Variants in CSMD2 observed in about 807,000 individuals in gnomAD.
CSMD2 encodes CUB and Sushi multiple domains 2.
A neutral mutation model predicts 398.5 loss-of-function variants in CSMD2; 130 were observed. The ratio of observed to expected loss-of-function variants is 0.33; its 90% CI spans 0.28 to 0.38. CSMD2 has a LOEUF of 0.38. CSMD2 is among the 10% of genes least tolerant of loss of function. The pLI is 1.00. For synonymous variants in CSMD2, 1,828 were observed against 1,908.5 expected (o/e 0.96, Z 1.10); for missense variants, 3,829 against 4,764.9 (o/e 0.80, Z 5.78).
At chr1:33,600,720 C>A (rs989430872) in intron 44 of CSMD2, 145 bp downstream of exon 44, 2 of 772,902 alleles carry the variant, frequency 2.6e-6, no homozygotes, top group South Asian at 3.6e-5. Flanking sequence ...ACATTTAATT[C>A]TCATAACTCT....
At chr1:34,028,009 C>G (rs1649900341) in intron 3 of CSMD2, among the ~76,000 whole-genome samples, 1 of 152,110 alleles carries the variant, frequency 6.6e-6, no homozygotes, top group South Asian at 2.1e-4. Context: ...ACTGAAAATG[C>G]AGGATGCTCA....
In CSMD2 at chr1:33,637,128, G is replaced by A. The variant is rs138761078; in HGVS notation, c.4775-574C>T. On this transcript the variant is annotated intron_variant, in intron 29 of 70. Coordinates refer to ENST00000373381, the MANE Select transcript of CSMD2 (RefSeq NM_001281956.2). The stretch of plus-strand genomic sequence containing the variant: ...TGGCTGGGGAGTAGAGCTGGCATCT[G>A]TTCTGCAGGCCCAGTCATACCCATC... 1.1e-3 allele frequency among the ~76,000 whole-genome samples: 163 copies of A among 152,296 alleles called. 1 individual carries two copies. The highest frequency in any genetic ancestry group is 3.7e-3 in the African/African-American group (155 of 41,558).
At chr1:33,989,900 T>C (rs1646491828) in intron 3 of CSMD2, among the ~76,000 whole-genome samples, 1 of 152,206 alleles carries the variant, frequency 6.6e-6, no homozygotes, top group Non-Finnish European at 1.5e-5. Context: ...GAGATGTTTA[T>C]GTCTTGATTG....
chr1:33,970,287 T>A (rs2147914649), intron 3 of CSMD2, among the ~76,000 whole-genome samples: 1 of 152,256 alleles, frequency 6.6e-6, no homozygotes, highest in Admixed American at 6.5e-5. Flanking sequence ...ACCAGACCTC[T>A]AGGCAATAGC....
chr1:33,956,754 TCTAA>T (rs1351924104), intron 3 of CSMD2, among the ~76,000 whole-genome samples: 1 of 151,934 alleles, frequency 6.6e-6, no homozygotes, highest in Non-Finnish European at 1.5e-5. Context: ...TCTCCAAAGG[TCTAA>T]CTGAGCTCCC....
chr1:33,952,713 C>G (rs1204403551), intron 3 of CSMD2, among the ~76,000 whole-genome samples: 1 of 151,774 alleles, frequency 6.6e-6, no homozygotes, highest in South Asian at 2.1e-4. Context: ...TGCACACACA[C>G]AAACATTTAA....
intron 25 of CSMD2, among the ~76,000 whole-genome samples, chr1:33,675,751 TTA>T (rs1347151418): frequency 6.6e-6 from 1 of 152,158 alleles, no homozygotes; most frequent in Non-Finnish European, 1.5e-5. Flanking sequence ...ATCAAAAAGC[TTA>T]TGCACCATGA....
At chr1:33,847,872 A>T (rs1638391291) in intron 5 of CSMD2, among the ~76,000 whole-genome samples, 1 of 152,174 alleles carries the variant, frequency 6.6e-6, no homozygotes, top group African/African-American at 2.4e-5. Flanking sequence ...GAGATAATAC[A>T]CAAAAGAAGA....
At chr1:33,528,596 G>A (rs571218062) in intron 64 of CSMD2, among the ~76,000 whole-genome samples, 3 of 152,194 alleles carry the variant, frequency 2.0e-5, no homozygotes, top group African/African-American at 4.8e-5. Context: ...TCTTATGTGC[G>A]AGGTGCTGTG....
At chr1:33,873,530 C>T (rs555077697) in intron 5 of CSMD2, 2 of 152,254 alleles carry the variant, frequency 1.3e-5, no homozygotes, top group Non-Finnish European at 2.9e-5. Context: ...TACTCTCTGG[C>T]TTGCTCTGAT....
Position 33,636,282 on chromosome 1 carries a change from T to A in CSMD2, c.4969+78A>T. The A allele has an allele frequency of 7.1e-7, 1 of 1,411,620 alleles. No individual in the cohort carries two copies. Among genetic ancestry groups the A allele is most frequent in the South Asian group, 1.4e-5 (1 of 72,630 alleles). 87.4% of individuals were successfully genotyped at this position (1,411,620 alleles called of 1,614,324 possible). A position where few individuals can be genotyped will look rare whatever the true frequency, so the allele number is the denominator to read the frequency against. On this transcript the variant is annotated intron_variant, in intron 30 of 70. Coordinates refer to ENST00000373381, the MANE Select transcript of CSMD2 (RefSeq NM_001281956.2). The surrounding 1 kb of genome is among the most constrained non-coding windows in gnomAD (Gnocchi z 4.8). ...GGCTTGAGGACCTTGCCCCCCTCCCTTCCCCAGCCCACAGCACCCTCTGCC... is the reference window on the plus strand; with the variant it reads ...GGCTTGAGGACCTTGCCCCCCTCCCATCCCCAGCCCACAGCACCCTCTGCC...
chr1:33,693,570 C>T (rs1485054690), intron 24 of CSMD2, among the ~76,000 whole-genome samples: 2 of 152,144 alleles, frequency 1.3e-5, no homozygotes, highest in Non-Finnish European at 2.9e-5. Flanking sequence ...CACCATATGA[C>T]CTAGCAATTC....
At chr1:34,113,364 A>T (rs911667296) in intron 1 of CSMD2, among the ~76,000 whole-genome samples, 1 of 152,222 alleles carries the variant, frequency 6.6e-6, no homozygotes, top group Admixed American at 6.5e-5. Flanking sequence ...TCACAGATGC[A>T]ACATCCTCTC....
At chr1:34,129,120 C>T (rs554101426) in intron 1 of CSMD2, among the ~76,000 whole-genome samples, 1 of 152,094 alleles carries the variant, frequency 6.6e-6, no homozygotes. Context: ...CCATGGGTCC[C>T]GCTGCCACCC....
intron 25 of CSMD2, among the ~76,000 whole-genome samples, chr1:33,663,826 T>C (rs1571139571): frequency 1.4e-5 from 2 of 143,810 alleles, no homozygotes; most frequent in East Asian, 1.9e-4. Context: ...TGTTAATTAA[T>C]TTTTTTTATT....
intron 64 of CSMD2, among the ~76,000 whole-genome samples, chr1:33,529,001 T>A (rs1454150108): frequency 2.6e-5 from 4 of 152,250 alleles, no homozygotes; most frequent in African/African-American, 9.6e-5. Context: ...AAATTCCAGC[T>A]CTCTAGTTTG....
chr1:34,158,335 C>T (rs1640996980), intron 1 of CSMD2, among the ~76,000 whole-genome samples: 1 of 152,190 alleles, frequency 6.6e-6, no homozygotes, highest in South Asian at 2.1e-4. Context: ...CCCCGATGTT[C>T]CCCTGTTGTT....
chr1:33,933,028 G>A lies in CSMD2; in HGVS notation c.712+2732C>T, dbSNP rs1391053520. ...CCAGGGAGAAGCTTCCCGGGAGGAG[G>A]GGCCAAAAGACTGTGAAGCTCCTGG... On this transcript the variant is annotated intron_variant, in intron 4 of 70. Coordinates refer to ENST00000373381, the MANE Select transcript of CSMD2 (RefSeq NM_001281956.2). 2.0e-5 allele frequency among the ~76,000 whole-genome samples: 3 copies of A among 152,290 alleles called. No homozygotes were observed. In the East Asian group the frequency reaches 5.8e-4, roughly 29 times the overall value.
chr1:33,822,602 C>T (rs1238727724), intron 7 of CSMD2, among the ~76,000 whole-genome samples: 7 of 152,284 alleles, frequency 4.6e-5, no homozygotes, highest in Middle Eastern at 3.4e-3. Context: ...AAAGCTTTCA[C>T]ATCCTGAGCC....
Sources: allele counts gnomAD v4.1 joint callset (sites outside exome capture counted in the v4.1 genomes callset), GRCh38; gene constraint gnomAD v4.1.1; non-coding constraint Gnocchi (gnomAD v3.1); transcripts MANE v1.5; gene names NCBI Gene and HGNC (gene_info 2026-07-23, HGNC 2026-07-21).